The following WASF2 variants were observed in gnomAD, a reference collection of about 807,000 sequenced individuals.
The protein encoded by WASF2 is WASP family member 2.
WASF2 carries 14 observed loss-of-function variants against 45.0 expected under a neutral mutation model. The observed-to-expected ratio is 0.31, with a 90% confidence interval of 0.21 to 0.49. The LOEUF is 0.49. Ranked by LOEUF, WASF2 falls within the 20% of genes least tolerant of loss-of-function variation. WASF2 has a pLI of 0.99. For missense variants in WASF2, 439 were observed against 636.1 expected (o/e 0.69, Z 3.33); for synonymous variants, 200 against 236.3 (o/e 0.85, Z 1.41).
chr1:27,455,119 A>C (rs749189884), intron 1 of WASF2, among the ~76,000 whole-genome samples: 28 of 152,086 alleles, frequency 1.8e-4, no homozygotes, highest in Non-Finnish European at 3.4e-4. Flanking sequence ...CCTTCCCAAC[A>C]TTTTTTGTCA....
Position 27,418,336 on chromosome 1 carries a change from C to A in WASF2, c.352G>T (p.Val118Leu). 6.2e-7 allele frequency: 1 copy of A among 1,614,176 alleles called. No individual in the cohort carries two copies. Among genetic ancestry groups the A allele is most frequent in the Non-Finnish European group, 8.5e-7 (1 of 1,180,020 alleles). The change falls in exon 4 of 9, where the codon GTG (valine) becomes TTG (leucine). Residue 118 changes from valine (V) to leucine (L), a missense_variant. Around this residue, in one of 5 missense-constraint regions of WASF2, gnomAD observed 98 missense variants for 120.7 expected, o/e 0.81. Transcript: ENST00000618852. ...GTATTGTATGTTTCTAAGACAGGCA[C>A]TGGGAGAGAGTTTCTGTCAAAAAGC... is the stretch of plus-strand genomic sequence containing the variant. Reference protein sequence around the residue: ...QKLFDRNSLPVPVLETYNTCD... With the variant: ...QKLFDRNSLPLPVLETYNTCD...
intron 1 of WASF2, among the ~76,000 whole-genome samples, chr1:27,434,945 T>C (rs1388379153): frequency 1.3e-5 from 2 of 152,128 alleles, no homozygotes; most frequent in Admixed American, 6.5e-5. Context: ...TTTGAAGTTA[T>C]CATGCAATTT....
intron 1 of WASF2, among the ~76,000 whole-genome samples, chr1:27,446,935 G>A (rs1169252353): frequency 6.6e-6 from 1 of 152,094 alleles, no homozygotes; most frequent in African/African-American, 2.4e-5. Flanking sequence ...GGAGTATGCT[G>A]TTATAACATT....
rs573081236 is a variant in WASF2, at chr1:27,456,983, C to A, written c.-43-28050G>T. 3.3e-4 allele frequency among the ~76,000 whole-genome samples: 50 copies of A among 152,122 alleles called. 1 individual carries two copies. In the South Asian group the frequency reaches 1.0e-2, roughly 30 times the overall value. Reference sequence around the variant, plus strand: ...TCTCAAACTCCTGACCTCAGGTGATCTGCCCGTCTCGGCCCCCCAAAGTGC... The same window carrying A: ...TCTCAAACTCCTGACCTCAGGTGATATGCCCGTCTCGGCCCCCCAAAGTGC... On this transcript the variant is annotated intron_variant, in intron 1 of 8. Transcript: ENST00000618852.
intron 1 of WASF2, among the ~76,000 whole-genome samples, chr1:27,436,411 G>A (rs950707121): frequency 2.6e-5 from 4 of 152,150 alleles, no homozygotes; most frequent in Non-Finnish European, 4.4e-5. Flanking sequence ...CACACCAGCT[G>A]GAGTGGTTGC....
At chr1:27,487,579 ATTATATATATT>A (rs1179781782) in intron 1 of WASF2, among the ~76,000 whole-genome samples, 1 of 99,004 alleles carries the variant, frequency 1.0e-5, no homozygotes, top group Non-Finnish European at 1.8e-5. Context: ...TATAATATAT[ATTATATATATT>A]TTATATAATA....
In WASF2 at chr1:27,414,730, A is replaced by C. The variant is rs2016805501; in HGVS notation, c.668+103T>G. On this transcript the variant is annotated intron_variant, in intron 6 of 8. Coordinates refer to ENST00000618852, the MANE Select transcript of WASF2 (RefSeq NM_006990.5). This position sits in a 1 kb window ranked among gnomAD's most constrained non-coding sequence, Gnocchi z 4.1. ...ACAGTGGTATTGATCTAAGCCACAGAGACAGACTTCAGGGGGTGTGAAAGG... is the reference window on the plus strand; with the variant it reads ...ACAGTGGTATTGATCTAAGCCACAGCGACAGACTTCAGGGGGTGTGAAAGG... The C allele has an allele frequency of 1.0e-5, 15 of 1,472,792 alleles. No individual in the cohort carries two copies. Among genetic ancestry groups the C allele is most frequent in the Non-Finnish European group, 1.2e-5 (13 of 1,091,466 alleles). The allele number at this position is 1,472,792 out of a possible 1,614,324, so 91.2% of individuals were successfully genotyped here.
At chr1:27,454,518 T>G (rs906442258) in intron 1 of WASF2, among the ~76,000 whole-genome samples, 1 of 152,056 alleles carries the variant, frequency 6.6e-6, no homozygotes, top group Non-Finnish European at 1.5e-5. Flanking sequence ...TTAAATTTTT[T>G]GTAGAGACAG....
intron 1 of WASF2, among the ~76,000 whole-genome samples, chr1:27,456,049 G>A (rs539145295): frequency 1.2e-4 from 19 of 152,244 alleles, no homozygotes; most frequent in Admixed American, 6.5e-4. Context: ...TAGGATGGGT[G>A]CAGTGGCTCA....
intron 1 of WASF2, among the ~76,000 whole-genome samples, chr1:27,481,792 A>G (rs1303849727): frequency 1.3e-5 from 2 of 152,236 alleles, no homozygotes; most frequent in Admixed American, 1.3e-4. Context: ...AGCTGAGAGT[A>G]CATCTCAGAC....
intron 1 of WASF2, among the ~76,000 whole-genome samples, chr1:27,437,285 A>C (rs916820558): frequency 1.3e-5 from 2 of 152,134 alleles, no homozygotes. Flanking sequence ...TTTTAGCAGG[A>C]TCCATCTGGT....
chr1:27,422,636 A>AG (rs1262513143), intron 2 of WASF2, among the ~76,000 whole-genome samples: 1 of 149,980 alleles, frequency 6.7e-6, no homozygotes, highest in Non-Finnish European at 1.5e-5. Flanking sequence ...AAAAAAAAAA[A>AG]GAAAATTGGA....
intron 1 of WASF2, 110 bp from the exon 2 acceptor site, chr1:27,429,043 CT>C: frequency 1.1e-6 from 1 of 937,070 alleles, no homozygotes; most frequent in Non-Finnish European, 1.5e-6. Flanking sequence ...TCTAAAACAG[CT>C]TTAAAAAAAA....
At chr1:27,489,586 G>A (rs1215848988) in intron 1 of WASF2, among the ~76,000 whole-genome samples, 2 of 152,148 alleles carry the variant, frequency 1.3e-5, no homozygotes, top group Admixed American at 1.3e-4. Context: ...ACTTGTCCAA[G>A]ATCTCAGACA....
At chr1:27,487,681 T>A (rs191114919) in intron 1 of WASF2, among the ~76,000 whole-genome samples, 2 of 110,432 alleles carry the variant, frequency 1.8e-5, no homozygotes, top group African/African-American at 7.3e-5. Context: ...ATATTTTATA[T>A]AATATATAAT....
intron 2 of WASF2, 77 bp downstream of exon 2, chr1:27,428,684 C>A: frequency 1.2e-6 from 2 of 1,607,340 alleles, no homozygotes; most frequent in East Asian, 2.2e-5. Context: ...GAAATAGGAA[C>A]GCGGGAGGAG....
intron 1 of WASF2, among the ~76,000 whole-genome samples, chr1:27,443,839 G>T (rs568690978): frequency 1.2e-4 from 18 of 151,928 alleles, no homozygotes; most frequent in Non-Finnish European, 2.2e-4. Flanking sequence ...AGTGCAGGGG[G>T]GGGTGATCTC....
intron 1 of WASF2, among the ~76,000 whole-genome samples, chr1:27,459,741 G>A (rs2017519609): frequency 6.6e-6 from 1 of 152,144 alleles, no homozygotes; most frequent in Admixed American, 6.6e-5. Flanking sequence ...CTGGTAGGAA[G>A]GCTATCTGAT....
chr1:27,472,324 CA>C (rs201360272), intron 1 of WASF2, among the ~76,000 whole-genome samples: 1,779 of 81,424 alleles, frequency 0.022, 16 homozygotes, highest in African/African-American at 0.051. Context: ...GACGCCAACT[CA>C]AAAAAAAAAA....
Sources: gnomAD v4.1 joint callset for allele counts (sites outside exome capture counted in the v4.1 genomes callset) on GRCh38, gnomAD v4.1.1 for gene constraint, gnomAD v4.1.1 regional missense constraint, Gnocchi (gnomAD v3.1) non-coding constraint, MANE v1.5 for transcripts, NCBI Gene and HGNC (gene_info 2026-07-23, HGNC 2026-07-21) for gene names.